ATF7IP2: variants seen among roughly 807,000 people sequenced by gnomAD.
The protein encoded by ATF7IP2 is activating transcription factor 7-interacting protein 2.
A neutral mutation model predicts 64.2 loss-of-function variants in ATF7IP2; 42 were observed. That is an observed-to-expected ratio of 0.65 (90% confidence interval 0.51 to 0.85). The LOEUF (loss-of-function observed/expected upper bound fraction) is 0.85. Ranked by LOEUF, ATF7IP2 falls within the 40% of genes least tolerant of loss-of-function variation. The probability of loss-of-function intolerance (pLI) is 0.00; values close to 1 mark genes in which losing one functional copy is unlikely to be tolerated. For synonymous variants in ATF7IP2, 308 were observed against 272.8 expected (o/e 1.13, Z -1.27); for missense variants, 933 against 784.2 (o/e 1.19, Z -2.27).
At chr16:10,472,250 A>G in intron 10 of ATF7IP2, 67 bp downstream of exon 10, 1 of 763,220 alleles carries the variant, frequency 1.3e-6, no homozygotes, top group Non-Finnish European at 2.1e-6. Flanking sequence ...TTTGCTTTAA[A>G]GTGAAAAATT....
chr16:10,402,826 C>T (rs538834668), intron 1 of ATF7IP2, among the ~76,000 whole-genome samples: 2 of 151,456 alleles, frequency 1.3e-5, no homozygotes, highest in South Asian at 4.2e-4. Flanking sequence ...GTAGTCCCAG[C>T]ATTTTGGGAG....
intron 9 of ATF7IP2, among the ~76,000 whole-genome samples, chr16:10,464,702 G>T (rs1462959713): frequency 5.9e-5 from 9 of 152,260 alleles, no homozygotes; most frequent in South Asian, 2.1e-4. Flanking sequence ...ATTGAATTTC[G>T]TGTGATAAGG....
intron 1 of ATF7IP2, among the ~76,000 whole-genome samples, chr16:10,406,842 G>A (rs1249797493): frequency 1.3e-5 from 2 of 151,874 alleles, no homozygotes; most frequent in Admixed American, 6.6e-5. Context: ...ATTTAAAGAA[G>A]TAATACCAAT....
intron 9 of ATF7IP2, among the ~76,000 whole-genome samples, chr16:10,469,043 T>C (rs1284273962): frequency 6.6e-6 from 1 of 152,162 alleles, no homozygotes; most frequent in African/African-American, 2.4e-5. Context: ...TCTAACACTC[T>C]TCTGAAGAAA....
intron 1 of ATF7IP2, among the ~76,000 whole-genome samples, chr16:10,413,171 A>G (rs567173230): frequency 2.6e-5 from 4 of 152,164 alleles, no homozygotes; most frequent in Admixed American, 2.0e-4. Flanking sequence ...AATGTTAATG[A>G]TATGGTTTGG....
At chr16:10,479,807 A>T (rs181919903) in intron 12 of ATF7IP2, among the ~76,000 whole-genome samples, 1 of 152,244 alleles carries the variant, frequency 6.6e-6, no homozygotes, top group Admixed American at 6.5e-5. Flanking sequence ...CATGCCTGTC[A>T]GAATGGCGAT....
chr16:10,470,823 G>GTGTATATATA (rs1448477600), intron 9 of ATF7IP2, among the ~76,000 whole-genome samples: 2 of 143,882 alleles, frequency 1.4e-5, no homozygotes, highest in Admixed American at 6.9e-5. Flanking sequence ...ATGTGTGTGT[G>GTGTATATATA]TATATATATA....
intron 1 of ATF7IP2, among the ~76,000 whole-genome samples, chr16:10,391,548 A>G (rs945688297): frequency 6.6e-6 from 1 of 152,160 alleles, no homozygotes; most frequent in African/African-American, 2.4e-5. Context: ...GACTTTGACA[A>G]TCTTGGTACA....
Position 10,386,106 on chromosome 16 carries a change from G to C in ATF7IP2, c.-258G>C, listed in dbSNP as rs1320291557. 2 of 152,798 alleles carry C rather than the reference G, an allele frequency of 1.3e-5. No individual in the cohort carries two copies. Among genetic ancestry groups the C allele is most frequent in the East Asian group, 1.9e-4 (1 of 5,208 alleles). 9.5% of individuals were successfully genotyped at this position (152,798 alleles called of 1,614,324 possible). ...GTGGCTGTGGGTATTGCTGCGGCTGGTGCGTCGTCGCTCTAGGTACGTTGG... is the reference window on the plus strand; with the variant it reads ...GTGGCTGTGGGTATTGCTGCGGCTGCTGCGTCGTCGCTCTAGGTACGTTGG... On this transcript the variant is annotated 5_prime_UTR_variant, in exon 1 of 14. Coordinates refer to ENST00000562102, the MANE Select transcript of ATF7IP2 (RefSeq NM_001393719.1).
intron 5 of ATF7IP2, among the ~76,000 whole-genome samples, chr16:10,432,096 C>G (rs1489563002): frequency 6.6e-6 from 1 of 151,692 alleles, no homozygotes; most frequent in South Asian, 2.1e-4. Context: ...CTTGGCCTCC[C>G]AAAGTGCTGG....
At chr16:10,403,131 A>G (rs1035547558) in intron 1 of ATF7IP2, among the ~76,000 whole-genome samples, 2 of 152,316 alleles carry the variant, frequency 1.3e-5, no homozygotes, top group Admixed American at 6.5e-5. Flanking sequence ...GATGTCAGAT[A>G]TAAATCCTGC....
At chr16:10,449,459 A>G (rs1032699370) in intron 8 of ATF7IP2, 3 of 152,202 alleles carry the variant, frequency 2.0e-5, no homozygotes, top group Admixed American at 2.0e-4. Context: ...TTGGTAGACT[A>G]TTAATTACTG....
chr16:10,475,520 TCTCTA>T (rs763840885), intron 12 of ATF7IP2, among the ~76,000 whole-genome samples: 21 of 151,410 alleles, frequency 1.4e-4, no homozygotes, highest in Admixed American at 3.9e-4. Context: ...TGAAACCCCA[TCTCTA>T]CTAAAAATAC....
intron 1 of ATF7IP2, among the ~76,000 whole-genome samples, chr16:10,402,674 G>A (rs2047558282): frequency 6.6e-6 from 1 of 152,018 alleles, no homozygotes; most frequent in African/African-American, 2.4e-5. Context: ...CATGTTGCCA[G>A]ACTGGTTTCA....
At chr16:10,424,126 A>T (rs1454089234) in intron 3 of ATF7IP2, among the ~76,000 whole-genome samples, 1 of 152,264 alleles carries the variant, frequency 6.6e-6, no homozygotes, top group Non-Finnish European at 1.5e-5. Context: ...TAAGGCACAG[A>T]TCACTCATGC....
At chr16:10,429,695 G>GTTTTATTTTATTTTATTTTATTTTA (rs55705185) in intron 4 of ATF7IP2, among the ~76,000 whole-genome samples, 17 of 138,416 alleles carry the variant, frequency 1.2e-4, no homozygotes, top group Admixed American at 3.6e-4. Flanking sequence ...CTTAGTGCTG[G>GTTTTATTTTATTTTATTTTATTTTA]TTTTATTTTA....
At chr16:10,407,707 G>C (rs1167283456) in intron 1 of ATF7IP2, among the ~76,000 whole-genome samples, 1 of 152,034 alleles carries the variant, frequency 6.6e-6, no homozygotes, top group Admixed American at 6.6e-5. Context: ...AAGTTCTTTA[G>C]TGGTGATTTG....
Position 10,430,719 on chromosome 16 carries a change from G to C in ATF7IP2, c.99G>C (p.Arg33Ser), listed in dbSNP as rs765343095. The stretch of plus-strand genomic sequence containing the variant: ...AAGTAGAGATGCTGAATAAGTCAAG[G>C]AATGTTGAAGCGCTGAAAACAGCAA... ...RKQVEMLNKSRNVEALKTAIG... is the reference protein window; with the variant it reads ...RKQVEMLNKSSNVEALKTAIG... The change falls in exon 5 of 14, where the codon AGG (arginine) becomes AGC (serine). Residue 33 changes from arginine (R) to serine (S), a missense_variant. Physicochemically the swap from Arg to Ser is moderately radical, Grantham distance 110 (BLOSUM62 -1). Coordinates refer to ENST00000562102, the MANE Select transcript of ATF7IP2 (RefSeq NM_001393719.1). 3.7e-6 allele frequency: 6 copies of C among 1,614,016 alleles called. No homozygotes were observed. The highest frequency in any genetic ancestry group is 1.3e-5 in the African/African-American group (1 of 74,926).
intron 8 of ATF7IP2, among the ~76,000 whole-genome samples, chr16:10,444,662 A>C (rs771306175): frequency 2.6e-5 from 4 of 152,194 alleles, no homozygotes; most frequent in Non-Finnish European, 5.9e-5. Context: ...AAGGCAATGA[A>C]GTTTTCAAAA....
Sources: gnomAD v4.1 joint callset for allele counts (sites outside exome capture counted in the v4.1 genomes callset) on GRCh38, gnomAD v4.1.1 for gene constraint, MANE v1.5 for transcripts, NCBI Gene and HGNC (gene_info 2026-07-23, HGNC 2026-07-21) for gene names.